The following RHBDD1 variants were observed in gnomAD, a reference collection of about 807,000 sequenced individuals.
The protein encoded by RHBDD1 is rhomboid-related protein 4.
RHBDD1 carries 38 observed loss-of-function variants against 36.3 expected under a neutral mutation model. That is an observed-to-expected ratio of 1.05 (90% confidence interval 0.81 to 1.37). The LOEUF is 1.37. Among genes scored for constraint, RHBDD1 ranks in the 40% most tolerant of loss-of-function variants. The pLI, the probability that RHBDD1 is intolerant of heterozygous loss-of-function variation, is 0.00. For synonymous variants in RHBDD1, 151 were observed against 136.5 expected (o/e 1.11, Z -0.74); for missense variants, 393 against 377.6 (o/e 1.04, Z -0.34).
intron 8 of RHBDD1, among the ~76,000 whole-genome samples, chr2:226,949,695 A>G (rs1951287005): frequency 6.6e-6 from 1 of 152,122 alleles, no homozygotes; most frequent in African/African-American, 2.4e-5. Context: ...TAAACACATA[A>G]ATGTATTTTC....
Position 226,998,428 on chromosome 2 carries a change from C to G in RHBDD1, c.*2906C>G, listed in dbSNP as rs1003224779. The stretch of plus-strand genomic sequence containing the variant: ...GCAAGGCAGGGCGAGAATGGGGTAG[C>G]TGGCAGACCTGGCCTCCTTGTTCCC... On this transcript the variant is annotated 3_prime_UTR_variant, in exon 9 of 9. Coordinates refer to ENST00000392062, the MANE Select transcript of RHBDD1 (RefSeq NM_001167608.3). 3 of 152,206 alleles carry G rather than the reference C, an allele frequency of 2.0e-5. 1 individual carries two copies. The highest frequency in any genetic ancestry group is 6.3e-3 in the Middle Eastern group (2 of 316). The allele number at this position is 152,206 out of a possible 1,614,324, so 9.4% of individuals were successfully genotyped here.
chr2:226,839,709 G>A (rs949400768), intron 3 of RHBDD1, 82 bp downstream of exon 3: 6 of 150,914 alleles, frequency 4.0e-5, no homozygotes, highest in Admixed American at 2.0e-4. Context: ...TTCTCATGCA[G>A]AGGAGTGAGT....
intron 8 of RHBDD1, among the ~76,000 whole-genome samples, chr2:226,926,102 AG>A (rs1212617375): frequency 6.6e-6 from 1 of 152,088 alleles, no homozygotes; most frequent in African/African-American, 2.4e-5. Flanking sequence ...GCCATTGGCC[AG>A]GTGCAATGGC....
intron 3 of RHBDD1, among the ~76,000 whole-genome samples, chr2:226,852,890 C>T (rs1220070226): frequency 6.9e-6 from 1 of 145,470 alleles, no homozygotes; most frequent in Non-Finnish European, 1.5e-5. Context: ...TGTGCCACTG[C>T]ACCTGGCTAA....
chr2:226,926,682 C>T (rs1474837336), intron 8 of RHBDD1, among the ~76,000 whole-genome samples: 1 of 152,096 alleles, frequency 6.6e-6, no homozygotes, highest in Non-Finnish European at 1.5e-5. Flanking sequence ...CCACTAATAC[C>T]TGGTTACTAG....
intron 5 of RHBDD1, among the ~76,000 whole-genome samples, chr2:226,875,455 GTTAAATGTTGA>G (rs1266459807): frequency 6.6e-6 from 1 of 152,150 alleles, no homozygotes; most frequent in African/African-American, 2.4e-5. Context: ...TGAGATCCTT[GTTAAATGTTGA>G]CCTAAATCAA....
chr2:226,868,282 T>C (rs190837025), intron 5 of RHBDD1, among the ~76,000 whole-genome samples: 1 of 152,266 alleles, frequency 6.6e-6, no homozygotes, highest in African/African-American at 2.4e-5. Context: ...AGAGAAGGAC[T>C]TGGAAATTCG....
chr2:226,948,118 TTA>T (rs1559302082), intron 8 of RHBDD1, among the ~76,000 whole-genome samples: 1 of 151,382 alleles, frequency 6.6e-6, no homozygotes, highest in Non-Finnish European at 1.5e-5. Context: ...ACATGCACAC[TTA>T]TGTTTATTGC....
In RHBDD1 at chr2:226,865,330, A is replaced by C. The variant is rs543573461; in HGVS notation, c.433+204A>C. On this transcript the variant is annotated intron_variant, in intron 4 of 8. Transcript: ENST00000392062. The stretch of plus-strand genomic sequence containing the variant: ...GCTGCATTATTCACTCTTAGTCTGC[A>C]CTAGGACCTGCTGGAAGGTGGTTTT... Among the ~76,000 whole-genome samples the C allele has an allele frequency of 6.6e-5, 10 of 152,362 alleles. No individual in the cohort carries two copies. The East Asian group carries it at 1.3e-3, about 21-fold the overall frequency.
At chr2:226,955,041 C>G (rs750560065) in intron 8 of RHBDD1, among the ~76,000 whole-genome samples, 1 of 151,856 alleles carries the variant, frequency 6.6e-6, no homozygotes, top group Non-Finnish European at 1.5e-5. Flanking sequence ...GGAGAAGTTG[C>G]CAAGCAGTGA....
chr2:226,829,184 A>G, the RHBDD1 span, among the ~76,000 whole-genome samples: 1 of 152,168 alleles, frequency 6.6e-6, no homozygotes, highest in African/African-American at 2.4e-5. Flanking sequence ...TTGAAAATCA[A>G]CTGACCACAT....
intron 8 of RHBDD1, among the ~76,000 whole-genome samples, chr2:226,958,078 T>A (rs1188528606): frequency 6.6e-6 from 1 of 152,160 alleles, no homozygotes; most frequent in East Asian, 1.9e-4. Flanking sequence ...CACAAAAACT[T>A]GTATGTGAAT....
the RHBDD1 span, among the ~76,000 whole-genome samples, chr2:226,811,510 C>T: frequency 2.0e-5 from 3 of 152,100 alleles, no homozygotes; most frequent in African/African-American, 7.2e-5. Flanking sequence ...GCCATGTTGG[C>T]CAGGCTGGTC....
chr2:226,952,192 G>A (rs970622016), intron 8 of RHBDD1, among the ~76,000 whole-genome samples: 3 of 151,790 alleles, frequency 2.0e-5, no homozygotes, highest in African/African-American at 7.3e-5. Context: ...AGAGTTCCCT[G>A]AGAATCAAAG....
intron 8 of RHBDD1, chr2:226,988,667 T>G: frequency 1.0e-6 from 1 of 984,512 alleles, no homozygotes; most frequent in Non-Finnish European, 1.2e-6. Flanking sequence ...GATTTTAATA[T>G]TCCGAAGGGT....
the RHBDD1 span, among the ~76,000 whole-genome samples, chr2:226,826,765 C>A: frequency 6.6e-6 from 1 of 152,120 alleles, no homozygotes; most frequent in Non-Finnish European, 1.5e-5. Context: ...CATGATCTGC[C>A]TGCCTCGGCC....
intron 8 of RHBDD1, among the ~76,000 whole-genome samples, chr2:226,962,808 C>G (rs1043403354): frequency 1.3e-5 from 2 of 152,160 alleles, no homozygotes; most frequent in Non-Finnish European, 2.9e-5. Context: ...TAAAGATAGT[C>G]TTATTTAGGC....
chr2:226,874,114 C>T (rs1375164157), intron 5 of RHBDD1, among the ~76,000 whole-genome samples: 3 of 152,112 alleles, frequency 2.0e-5, no homozygotes, highest in African/African-American at 7.2e-5. Context: ...GGAGAAACTG[C>T]ACCCATGTTC....
At chr2:226,950,489 G>A (rs1951342504) in intron 8 of RHBDD1, among the ~76,000 whole-genome samples, 1 of 152,166 alleles carries the variant, frequency 6.6e-6, no homozygotes, top group African/African-American at 2.4e-5. Flanking sequence ...TGTGAATAAT[G>A]CCTCAATGAA....
Sources: gnomAD v4.1 joint callset for allele counts (sites outside exome capture counted in the v4.1 genomes callset) on GRCh38, gnomAD v4.1.1 for gene constraint, MANE v1.5 for transcripts, NCBI Gene and HGNC (gene_info 2026-07-23, HGNC 2026-07-21) for gene names.